Variants in CTDP1 observed in about 807,000 individuals in gnomAD.
The protein encoded by CTDP1 is CTD phosphatase 1.
A neutral mutation model predicts 91.8 loss-of-function variants in CTDP1; 47 were observed. The ratio of observed to expected loss-of-function variants is 0.51; its 90% confidence interval spans 0.41 to 0.65. The LOEUF (loss-of-function observed/expected upper bound fraction) is 0.65, where lower values mean the gene tolerates loss of function less well. Ranked by LOEUF, CTDP1 falls within the 30% of genes least tolerant of loss-of-function variation. CTDP1 has a pLI of 0.00. For missense variants in CTDP1, 1,272 were observed against 1,373.7 expected (o/e 0.93, Z 1.17); for synonymous variants, 656 against 598.5 (o/e 1.10, Z -1.40).
At position 79,723,228 on chromosome 18, in the gene CTDP1, C is replaced by T. The variant is rs571949860; in HGVS notation, c.2417+5212C>T. 3.5e-4 allele frequency among the ~76,000 whole-genome samples: 53 copies of T among 151,630 alleles called. 3 individuals are homozygous for T. The South Asian group carries it at 7.9e-3, about 23-fold the overall frequency. ...GAGCAGCCCCAGGCCTCATCTGTCA[C>T]GGGCATTGGTTGCCCGATTCCCCCA... is the stretch of plus-strand genomic sequence containing the variant. On this transcript the variant is annotated intron_variant, in intron 10 of 12. Coordinates refer to ENST00000613122, the MANE Select transcript of CTDP1 (RefSeq NM_004715.5).
Position 79,699,896 on chromosome 18 carries a change from G to GT in CTDP1, c.621+1910dup, listed in dbSNP as rs1473318344. ...TCAGCCTCCTCGTTAGTGCTCTGCT[G>GT]TTACAGGGAGCTGTAGTCAGTGATC... On this transcript the variant is annotated intron_variant, in intron 4 of 12. Transcript: ENST00000613122. Among the ~76,000 whole-genome samples the GT allele has an allele frequency of 2.0e-5, 3 of 152,320 alleles. No individual in the cohort carries two copies. In the East Asian group the frequency reaches 5.8e-4, roughly 29 times the overall value.
chr18:79,679,748 ACGCGCACG>A, upstream of CTDP1: 2 of 522,838 alleles, frequency 3.8e-6, no homozygotes, highest in East Asian at 7.4e-5. Flanking sequence ...TCGTATTTAC[ACGCGCACG>A]TACGCACGTA....
chr18:79,697,975 A>G lies in CTDP1; in HGVS notation c.608A>G (p.Gln203Arg). The change falls in exon 4 of 13, where the codon CAG becomes CGG. Residue 203 changes from glutamine (Q) to arginine (R), a missense_variant. Physicochemically the swap from Gln to Arg is conservative, Grantham distance 43 (BLOSUM62 1). Around this residue, in one of 3 missense-constraint regions of CTDP1, gnomAD observed 177 missense variants for 283.0 expected, o/e 0.63. Coordinates refer to ENST00000613122, the MANE Select transcript of CTDP1 (RefSeq NM_004715.5). ...CACACAACCGAGCAGCACTGTCAGC[A>G]GATGTCGAATAAAGTGAGTGCAGTC... is the stretch of plus-strand genomic sequence containing the variant. The part of the protein sequence containing the change: ...LIHTTEQHCQ[Q>R]MSNKGIFHFQ... 1.2e-6 allele frequency: 2 copies of G among 1,614,256 alleles called. No individual in the cohort carries two copies. Among genetic ancestry groups the G allele is most frequent in the African/African-American group, 1.3e-5 (1 of 75,068 alleles).
chr18:79,678,637 A>T (rs1039419831), upstream of CTDP1: 7 of 152,232 alleles, frequency 4.6e-5, no homozygotes, highest in Non-Finnish European at 8.8e-5. Context: ...GAGAAAAGTC[A>T]CCATATAAAA....
intron 1 of CTDP1, among the ~76,000 whole-genome samples, chr18:79,692,113 A>G (rs956679003): frequency 1.0e-3 from 24 of 23,510 alleles, no homozygotes; most frequent in African/African-American, 2.2e-3. Context: ...GGGTGGGAGA[A>G]GAGTGGACGG....
intron 1 of CTDP1, among the ~76,000 whole-genome samples, chr18:79,693,454 T>G (rs2085664896): frequency 6.6e-6 from 1 of 152,190 alleles, no homozygotes; most frequent in African/African-American, 2.4e-5. Context: ...GAAAAAAACC[T>G]GATACAGGTT....
At chr18:79,678,364 C>G (rs1200633718), upstream of CTDP1, 1 of 152,204 alleles carries the variant, frequency 6.6e-6, no homozygotes, top group Non-Finnish European at 1.5e-5. Flanking sequence ...CACTCAATAG[C>G]TGAACAACAT....
At chr18:79,712,306 C>T (rs1334823074) in intron 6 of CTDP1, among the ~76,000 whole-genome samples, 6 of 152,260 alleles carry the variant, frequency 3.9e-5, no homozygotes, top group Admixed American at 1.3e-4. Flanking sequence ...GTTTTTGAGA[C>T]GGTCTGGCTC....
At chr18:79,732,227 A>G (rs543016568) in intron 11 of CTDP1, among the ~76,000 whole-genome samples, 1 of 151,368 alleles carries the variant, frequency 6.6e-6, no homozygotes, top group South Asian at 2.1e-4. Flanking sequence ...ATCACATGAG[A>G]CTTGAGAACT....
chr18:79,722,660 T>C (rs1361567185), intron 10 of CTDP1, among the ~76,000 whole-genome samples: 11 of 152,168 alleles, frequency 7.2e-5, no homozygotes. Context: ...CACTTGTACG[T>C]GTTGGAAACT....
intron 12 of CTDP1, among the ~76,000 whole-genome samples, chr18:79,744,503 A>G (rs967633958): frequency 1.3e-5 from 2 of 152,250 alleles, no homozygotes; most frequent in African/African-American, 4.8e-5. Context: ...TCAGAGCTTT[A>G]ACTATGAGTG....
chr18:79,689,806 G>A (rs1207624444), intron 1 of CTDP1, among the ~76,000 whole-genome samples: 7 of 152,208 alleles, frequency 4.6e-5, no homozygotes, highest in African/African-American at 1.7e-4. Flanking sequence ...CTATTTAGCA[G>A]TGTAGGCTCA....
At position 79,715,010 on chromosome 18, in the gene CTDP1, C is replaced by G. The variant is rs1338830132; in HGVS notation, c.1550C>G (p.Ala517Gly). The G allele has an allele frequency of 6.3e-7, 1 of 1,592,498 alleles. No individual in the cohort carries two copies. The highest frequency in any genetic ancestry group is 1.3e-5 in the African/African-American group (1 of 74,856). Residue 517 changes from alanine (A) to glycine (G), a missense_variant, in exon 8 of 13, where the codon GCC (alanine) becomes GGC (glycine). Ala to Gly is a moderately conservative substitution (Grantham distance 60). This residue lies in a region of CTDP1 where 881 missense variants were observed against 911.6 expected (regional missense o/e 0.97). Transcript: ENST00000613122. The part of the protein sequence containing the change: ...RPAAPSLPGE[A>G]EPGAHAPDKE... ...GCAGCACCGAGTCTCCCCGGAGAGG[C>G]CGAGCCTGGCGCGCATGCCCCGGAC...
rs756327897 is a variant in CTDP1 at position 79,717,799 on chromosome 18, T to G, written c.2211-11T>G. On this transcript the variant is annotated splice_polypyrimidine_tract_variant and intron_variant, in intron 9 of 12. Coordinates refer to ENST00000613122, the MANE Select transcript of CTDP1 (RefSeq NM_004715.5). The stretch of plus-strand genomic sequence containing the variant: ...GCCCCGCTCATGGCCCTCGTTCTCT[T>G]CCTCCGACAGGGAGAACAGCCCTGC... The G allele has an allele frequency of 5.6e-6, 9 of 1,613,706 alleles. No individual in the cohort carries two copies. The East Asian group carries it at 1.8e-4, about 32-fold the overall frequency.
At chr18:79,746,513 T>C (rs1279188291) in intron 12 of CTDP1, among the ~76,000 whole-genome samples, 2 of 152,238 alleles carry the variant, frequency 1.3e-5, no homozygotes, top group East Asian at 3.8e-4. Flanking sequence ...AAGTTTGCTT[T>C]TTCGTGTTTT....
At chr18:79,701,326 C>T (rs910968355) in intron 4 of CTDP1, among the ~76,000 whole-genome samples, 9 of 151,974 alleles carry the variant, frequency 5.9e-5, no homozygotes, top group East Asian at 5.8e-4. Context: ...CTGGCTAATG[C>T]GGTGAAACCC....
rs896583032 is a variant in CTDP1, at chr18:79,713,264, T to G, written c.1030+126T>G. 15 of 1,021,166 alleles carry G rather than the reference T, an allele frequency of 1.5e-5. 1 individual carries two copies. In the Admixed American group the frequency reaches 3.4e-4, roughly 23 times the overall value. The allele number at this position is 1,021,166 out of a possible 1,614,324, so 63.3% of individuals were successfully genotyped here. On this transcript the variant is annotated intron_variant, in intron 7 of 12. Transcript: ENST00000613122. The surrounding 1 kb of genome is among the most constrained non-coding windows in gnomAD (Gnocchi z 4.7). ...TACACTTTTTTTATTTGTGTTTCAGTAGAGATTATTGGATTTATTTATAGA... is the reference window on the plus strand; with the variant it reads ...TACACTTTTTTTATTTGTGTTTCAGGAGAGATTATTGGATTTATTTATAGA...
At chr18:79,696,315 G>A (rs748292858) in intron 3 of CTDP1, among the ~76,000 whole-genome samples, 4 of 152,186 alleles carry the variant, frequency 2.6e-5, no homozygotes, top group African/African-American at 4.8e-5. Flanking sequence ...TGTGACCTGC[G>A]TGTCGGGAAC....
At chr18:79,754,517 G>T (rs1022593697), downstream of CTDP1, 6 of 152,730 alleles carry the variant, frequency 3.9e-5, no homozygotes, top group Non-Finnish European at 5.9e-5. Flanking sequence ...CTCTTCTCGT[G>T]GGTGTGTGGC....
Sources: gnomAD v4.1 joint callset for allele counts (sites outside exome capture counted in the v4.1 genomes callset) on GRCh38, gnomAD v4.1.1 for gene constraint, gnomAD v4.1.1 regional missense constraint, Gnocchi (gnomAD v3.1) non-coding constraint, MANE v1.5 for transcripts, NCBI Gene and HGNC (gene_info 2026-07-23, HGNC 2026-07-21) for gene names.